Variants in NLGN1 observed in about 807,000 individuals in gnomAD.
NLGN1 encodes the protein neuroligin-1.
Under a neutral mutation model 65.5 loss-of-function variants are expected in NLGN1, and 12 were observed. The observed-to-expected ratio is 0.18, with a 90% CI of 0.12 to 0.30. The LOEUF is 0.30. Ranked by LOEUF, NLGN1 falls within the 10% of genes least tolerant of loss-of-function variation. NLGN1 has a pLI of 1.00. For synonymous variants in NLGN1, 350 were observed against 359.5 expected, an observed-to-expected ratio of 0.97 and a Z score of 0.30; for missense variants, 750 against 1,007.1, an observed-to-expected ratio of 0.74 and a Z score of 3.46.
At chr3:174,092,074 A>G (rs1293949665) in intron 4 of NLGN1, among the ~76,000 whole-genome samples, 1 of 152,036 alleles carries the variant, frequency 6.6e-6, no homozygotes, top group African/African-American at 2.4e-5. Context: ...ATAAATATGT[A>G]TGAAGAGATA....
At chr3:174,221,633 T>C (rs1318420470) in intron 4 of NLGN1, among the ~76,000 whole-genome samples, 1 of 151,736 alleles carries the variant, frequency 6.6e-6, no homozygotes, top group African/African-American at 2.4e-5. Context: ...CTGGGGCATA[T>C]GAGTTTCCTA....
At chr3:173,489,701 A>G (rs778643477) in intron 2 of NLGN1, among the ~76,000 whole-genome samples, 20 of 151,860 alleles carry the variant, frequency 1.3e-4, no homozygotes, top group Non-Finnish European at 5.9e-5. Context: ...AGTCCCACCA[A>G]CAGTGTAAAA....
chr3:173,838,632 T>C (rs1451223190), intron 4 of NLGN1, among the ~76,000 whole-genome samples: 6 of 150,320 alleles, frequency 4.0e-5, no homozygotes, highest in Middle Eastern at 3.4e-3. Flanking sequence ...AGAGAGACTT[T>C]AAAAAAAAAA....
chr3:173,635,539 G>T (rs1756441015), intron 3 of NLGN1, among the ~76,000 whole-genome samples: 1 of 152,084 alleles, frequency 6.6e-6, no homozygotes, highest in Non-Finnish European at 1.5e-5. Flanking sequence ...TGTCTTAACT[G>T]TATTTCCAGA....
chr3:174,001,946 C>G (rs1281471897), intron 4 of NLGN1, among the ~76,000 whole-genome samples: 1 of 151,084 alleles, frequency 6.6e-6, no homozygotes, highest in Non-Finnish European at 1.5e-5. Flanking sequence ...TTCGGAAACT[C>G]TGATGTAGAA....
chr3:173,614,220 T>G (rs1752718377), intron 3 of NLGN1, among the ~76,000 whole-genome samples: 1 of 152,002 alleles, frequency 6.6e-6, no homozygotes, highest in Middle Eastern at 3.2e-3. Context: ...GGGATAAGTA[T>G]GAGCAGGGGC....
chr3:173,839,588 A>G (rs1724377324), intron 4 of NLGN1, among the ~76,000 whole-genome samples: 1 of 151,958 alleles, frequency 6.6e-6, no homozygotes, highest in South Asian at 2.1e-4. Flanking sequence ...ACGCCCGGCT[A>G]ATTTTTGTGT....
intron 3 of NLGN1, among the ~76,000 whole-genome samples, chr3:173,766,882 C>T (rs1778859228): frequency 6.6e-6 from 1 of 152,066 alleles, no homozygotes; most frequent in Non-Finnish European, 1.5e-5. Flanking sequence ...CATTAAATAA[C>T]ATGAGCTAAT....
rs111763352 is a variant in NLGN1, at chr3:173,702,112, G to A, written c.493+97021G>A. 3.4e-3 allele frequency among the ~76,000 whole-genome samples: 502 copies of A among 149,356 alleles called. 4 individuals are homozygous for A. Among genetic ancestry groups the A allele is most frequent in the African/African-American group, 0.012 (474 of 41,032 alleles). ...AAATTAGCTGGGCGTAGTGGCGGGC[G>A]CCTGTAGTCCCAGCTACTCGGGAGG... On this transcript the variant is annotated intron_variant, in intron 3 of 6. Coordinates refer to ENST00000457714, the Ensembl canonical transcript of NLGN1.
chr3:173,477,267 G>T (rs1038884585), intron 2 of NLGN1, among the ~76,000 whole-genome samples: 2 of 152,160 alleles, frequency 1.3e-5, no homozygotes, highest in Middle Eastern at 3.2e-3. Flanking sequence ...CTGACCAGGT[G>T]CAGTGGTTCA....
At chr3:173,437,246 G>A (rs1046111951) in intron 2 of NLGN1, among the ~76,000 whole-genome samples, 1 of 152,140 alleles carries the variant, frequency 6.6e-6, no homozygotes, top group Non-Finnish European at 1.5e-5. Flanking sequence ...AATTATCACA[G>A]CTAGATGTTC....
chr3:173,440,349 T>C (rs1718949283), intron 2 of NLGN1, among the ~76,000 whole-genome samples: 2 of 152,184 alleles, frequency 1.3e-5, no homozygotes, highest in Non-Finnish European at 2.9e-5. Flanking sequence ...TTTGATCTCC[T>C]CCTGTGAATC....
intron 4 of NLGN1, among the ~76,000 whole-genome samples, chr3:174,115,631 G>C (rs922584676): frequency 2.6e-5 from 4 of 152,158 alleles, no homozygotes; most frequent in African/African-American, 4.8e-5. Context: ...AAATGAGGCT[G>C]GGAAGAGGTG....
intron 2 of NLGN1, among the ~76,000 whole-genome samples, chr3:173,444,294 T>G (rs1034690778): frequency 2.0e-5 from 3 of 152,202 alleles, no homozygotes; most frequent in Non-Finnish European, 4.4e-5. Flanking sequence ...TGGCTCCATA[T>G]CTGTATAACA....
intron 4 of NLGN1, among the ~76,000 whole-genome samples, chr3:173,874,675 A>G (rs1457275921): frequency 6.6e-6 from 1 of 152,190 alleles, no homozygotes; most frequent in Non-Finnish European, 1.5e-5. Flanking sequence ...CCCTCATCCA[A>G]GTTCCACAGA....
intron 3 of NLGN1, among the ~76,000 whole-genome samples, chr3:173,722,623 T>G (rs1366021773): frequency 6.6e-6 from 1 of 152,172 alleles, no homozygotes; most frequent in Non-Finnish European, 1.5e-5. Flanking sequence ...GAAGGTTCAT[T>G]GTGCAGGCAC....
At chr3:174,123,051 A>G (rs1718124280) in intron 4 of NLGN1, among the ~76,000 whole-genome samples, 1 of 152,124 alleles carries the variant, frequency 6.6e-6, no homozygotes, top group Admixed American at 6.6e-5. Flanking sequence ...GAGGATGTCA[A>G]ATGCTATCAG....
intron 1 of NLGN1, among the ~76,000 whole-genome samples, chr3:173,412,960 A>G (rs894671039): frequency 3.9e-5 from 6 of 152,194 alleles, no homozygotes; most frequent in Non-Finnish European, 8.8e-5. Flanking sequence ...TCAAGAAAGT[A>G]ATTGATTAAC....
chr3:173,639,157 C>G (rs1042874414), intron 3 of NLGN1, among the ~76,000 whole-genome samples: 12 of 152,192 alleles, frequency 7.9e-5, no homozygotes, highest in African/African-American at 2.9e-4. Flanking sequence ...GTGAATGGAA[C>G]AGGCCATTAA....
Sources: allele counts gnomAD v4.1 joint callset (sites outside exome capture counted in the v4.1 genomes callset), GRCh38; gene constraint gnomAD v4.1.1; transcripts MANE v1.5; gene names NCBI Gene and HGNC (gene_info 2026-07-23, HGNC 2026-07-21).